Variants in SEM1 observed in about 807,000 individuals in gnomAD.
SEM1 encodes the protein 26S proteasome complex subunit SEM1.
A neutral mutation model predicts 12.7 loss-of-function variants in SEM1; 3 were observed. The observed-to-expected ratio is 0.24, with a 90% CI of 0.11 to 0.61. The LOEUF (loss-of-function observed/expected upper bound fraction) is 0.61, where lower values mean the gene tolerates loss of function less well. Among genes scored for constraint, SEM1 ranks in the 20% least tolerant of loss-of-function variants. The probability of loss-of-function intolerance (pLI) is 0.88; values close to 1 mark genes in which losing one functional copy is unlikely to be tolerated. For synonymous variants in SEM1, 30 were observed against 27.8 expected, an observed-to-expected ratio of 1.08 and a Z score of -0.25; for missense variants, 59 against 81.3, an observed-to-expected ratio of 0.73 and a Z score of 1.06.
intron 2 of SEM1, among the ~76,000 whole-genome samples, chr7:96,599,116 A>C (rs1364053132): frequency 1.3e-5 from 2 of 152,148 alleles, no homozygotes; most frequent in African/African-American, 4.8e-5. Flanking sequence ...CTCTTAGAGC[A>C]GAGATTGCTT....
rs1475448644 is a variant in SEM1, at chr7:96,678,828, AG to A, written c.171-4970del. Among the ~76,000 whole-genome samples the A allele has an allele frequency of 2.6e-5, 4 of 152,292 alleles. No individual in the cohort carries two copies. In the East Asian group the frequency reaches 7.7e-4, roughly 29 times the overall value. The stretch of plus-strand genomic sequence containing the variant: ...AATAAAAGTATATATGCTCTCTTTC[AG>A]AGTCAGTTGACTTAAAGACAATTTT... On this transcript the variant is annotated intron_variant, in intron 2 of 2. Transcript: ENST00000413065.
intron 2 of SEM1, among the ~76,000 whole-genome samples, chr7:96,565,671 G>A (rs1476703211): frequency 6.6e-6 from 1 of 151,546 alleles, no homozygotes; most frequent in Admixed American, 6.6e-5. Context: ...CACACACACA[G>A]CACTAATTTT....
chr7:96,673,968 T>G (rs1242854867), intron 2 of SEM1: 2 of 671,176 alleles, frequency 3.0e-6, no homozygotes, highest in Non-Finnish European at 5.4e-6. Context: ...TGTACACCCC[T>G]TATGCCCCAG....
chr7:96,518,362 T>C (rs1804162716), intron 2 of SEM1, among the ~76,000 whole-genome samples: 1 of 152,158 alleles, frequency 6.6e-6, no homozygotes, highest in South Asian at 2.1e-4. Context: ...ATAAAGTCCA[T>C]GTGCATATTA....
At position 96,483,992 on chromosome 7, in the gene SEM1, TGAA is replaced by T. The variant is rs772401908; in HGVS notation, c.258-7_258-5del. ...AGCAGTGGAAAGAGTCAGGGACCTATGAAGAAGAATGATAAATGCTGTGGGCCA... is the reference window on the plus strand; with the variant it reads ...AGCAGTGGAAAGAGTCAGGGACCTATGAAGAATGATAAATGCTGTGGGCCA... On this transcript the variant is annotated splice_polypyrimidine_tract_variant and splice_region_variant and intron_variant, in intron 3 of 3. Transcript: ENST00000356686. 3.3e-5 allele frequency: 49 copies of T among 1,495,796 alleles called. 1 individual carries two copies. In the East Asian group the frequency reaches 1.1e-3, roughly 35 times the overall value. The allele number at this position is 1,495,796 out of a possible 1,614,324, so 92.7% of individuals were successfully genotyped here.
At chr7:96,514,279 A>G (rs77648718) in intron 2 of SEM1, among the ~76,000 whole-genome samples, 4,571 of 152,098 alleles carry the variant, frequency 0.03, 97 homozygotes, top group Middle Eastern at 0.088. Flanking sequence ...GAGTCTTGCT[A>G]TGTTGCCCAG....
At chr7:96,507,881 G>A (rs1803807095) in intron 2 of SEM1, among the ~76,000 whole-genome samples, 1 of 152,066 alleles carries the variant, frequency 6.6e-6, no homozygotes, top group Non-Finnish European at 1.5e-5. Flanking sequence ...TACTTGATAG[G>A]ATGGGATGCA....
upstream of SEM1, chr7:96,496,353 A>G (rs1321346265): frequency 5.4e-6 from 7 of 1,304,096 alleles, no homozygotes; most frequent in Non-Finnish European, 7.4e-6. Context: ...TGTGTGAAAT[A>G]AATTAATTAT....
chr7:96,612,215 T>G (rs1807561723), intron 2 of SEM1, among the ~76,000 whole-genome samples: 1 of 152,206 alleles, frequency 6.6e-6, no homozygotes, highest in South Asian at 2.1e-4. Flanking sequence ...TTAATAGGCC[T>G]GCCCAGACAT....
At chr7:96,614,383 G>A (rs1466268109) in intron 2 of SEM1, among the ~76,000 whole-genome samples, 1 of 152,160 alleles carries the variant, frequency 6.6e-6, no homozygotes, top group Admixed American at 6.6e-5. Context: ...GCTCTAAGCA[G>A]TTTTCTAGAT....
chr7:96,623,342 T>C (rs1807955476), intron 2 of SEM1, among the ~76,000 whole-genome samples: 2 of 151,986 alleles, frequency 1.3e-5, no homozygotes, highest in Non-Finnish European at 2.9e-5. Flanking sequence ...CAGCAGATTG[T>C]AGAACATCAC....
chr7:96,620,596 G>C (rs986966111), downstream of SEM1, among the ~76,000 whole-genome samples: 5 of 152,174 alleles, frequency 3.3e-5, no homozygotes, highest in African/African-American at 2.4e-5. Context: ...CCACACCCGC[G>C]AGCCTCTCCT....
intron 1 of SEM1, among the ~76,000 whole-genome samples, chr7:96,495,325 C>T (rs1327973071): frequency 6.6e-6 from 1 of 152,164 alleles, no homozygotes; most frequent in Non-Finnish European, 1.5e-5. Flanking sequence ...TCTCTACTTT[C>T]TGTTCTCTTC....
intron 2 of SEM1, among the ~76,000 whole-genome samples, chr7:96,565,358 T>C (rs1805815159): frequency 6.6e-6 from 1 of 151,874 alleles, no homozygotes; most frequent in African/African-American, 2.4e-5. Flanking sequence ...GGTTGGAAGA[T>C]TAGAAGGTAT....
intron 2 of SEM1, among the ~76,000 whole-genome samples, chr7:96,601,741 T>C (rs2116192916): frequency 6.6e-6 from 1 of 152,290 alleles, no homozygotes; most frequent in African/African-American, 2.4e-5. Flanking sequence ...ATATAATTAC[T>C]CTGGTTTCTT....
intron 2 of SEM1, among the ~76,000 whole-genome samples, chr7:96,535,155 AC>A (rs1218542451): frequency 1.3e-5 from 2 of 152,006 alleles, no homozygotes; most frequent in Admixed American, 1.3e-4. Context: ...CAAAAAATAG[AC>A]TAAATTTCTA....
chr7:96,695,448 T>G (rs2115894804), intron 1 of SEM1: 1 of 152,028 alleles, frequency 6.6e-6, no homozygotes, highest in East Asian at 1.9e-4. Context: ...CTTCCTCCCT[T>G]TGGTAGTGGT....
chr7:96,570,645 C>T (rs780382317), intron 2 of SEM1, among the ~76,000 whole-genome samples: 8 of 151,972 alleles, frequency 5.3e-5, no homozygotes, highest in African/African-American at 9.7e-5. Flanking sequence ...AACAGTGCCG[C>T]GATAAACGAT....
intron 2 of SEM1, among the ~76,000 whole-genome samples, chr7:96,541,443 G>GTTTTTTTTTTTTTTTTTTTTTTTTTTT (rs61049763): frequency 9.8e-6 from 1 of 102,394 alleles, no homozygotes. Flanking sequence ...TTTTTTTTTT[G>GTTTTTTTTTTTTTTTTTTTTTTTTTTT]TTTTTTTTTT....
Sources: allele counts gnomAD v4.1 joint callset (sites outside exome capture counted in the v4.1 genomes callset), GRCh38; gene constraint gnomAD v4.1.1; transcripts MANE v1.5; gene names NCBI Gene and HGNC (gene_info 2026-07-23, HGNC 2026-07-21).